The following RANBP2 variants were observed in gnomAD, a reference collection of about 807,000 sequenced individuals.
The protein encoded by RANBP2 is RAN binding protein 2, also known as E3 SUMO-protein ligase RanBP2.
Under a neutral mutation model 303.6 loss-of-function variants are expected in RANBP2, and 57 were observed. That is an observed-to-expected ratio of 0.19 (90% CI 0.15 to 0.23). The LOEUF (loss-of-function observed/expected upper bound fraction) is 0.23, where lower values mean the gene tolerates loss of function less well. Ranked by LOEUF, RANBP2 falls within the 10% of genes least tolerant of loss-of-function variation. The pLI is 1.00. For missense variants in RANBP2, 3,138 were observed against 3,780.8 expected (o/e 0.83, Z 4.46); for synonymous variants, 1,167 against 1,301.5 (o/e 0.90, Z 2.23).
At chr2:108,786,782 GA>G, downstream of RANBP2, 1 of 1,539,764 alleles carries the variant, frequency 6.5e-7, no homozygotes, top group African/African-American at 1.4e-5. Context: ...CGGGTTTGAT[GA>G]ACGCGGTTCC....
chr2:109,658,919 G>A, the RANBP2 span, among the ~76,000 whole-genome samples: 1 of 152,240 alleles, frequency 6.6e-6, no homozygotes, highest in South Asian at 2.1e-4. Flanking sequence ...ACAAAAACTA[G>A]CTGGGTGTGG....
At chr2:108,859,889 A>G in the RANBP2 span, among the ~76,000 whole-genome samples, 1 of 151,856 alleles carries the variant, frequency 6.6e-6, no homozygotes, top group Non-Finnish European at 1.5e-5. Context: ...AGATTGCTTT[A>G]GGCAATATAA....
At chr2:109,117,559 A>T in the RANBP2 span, among the ~76,000 whole-genome samples, 19 of 152,208 alleles carry the variant, frequency 1.2e-4, no homozygotes, top group Middle Eastern at 3.2e-3. Flanking sequence ...TGACTAGGAA[A>T]GGGAACTCCT....
chr2:108,742,843 C>G (rs1314690731), intron 7 of RANBP2, among the ~76,000 whole-genome samples: 2 of 152,178 alleles, frequency 1.3e-5, no homozygotes, highest in Admixed American at 1.3e-4. Context: ...GGCTGGAGCA[C>G]AGTGGCACGA....
the RANBP2 span, among the ~76,000 whole-genome samples, chr2:109,481,164 A>G: frequency 6.6e-6 from 1 of 152,214 alleles, no homozygotes; most frequent in Non-Finnish European, 1.5e-5. Flanking sequence ...TGAGAGGGGA[A>G]CATCTCAATG....
chr2:109,459,573 C>T, the RANBP2 span, among the ~76,000 whole-genome samples: 1 of 152,180 alleles, frequency 6.6e-6, no homozygotes, highest in Non-Finnish European at 1.5e-5. Context: ...CAGACATGCT[C>T]TTGCCCATGT....
At chr2:109,182,094 A>T in the RANBP2 span, among the ~76,000 whole-genome samples, 1 of 152,180 alleles carries the variant, frequency 6.6e-6, no homozygotes, top group Admixed American at 6.5e-5. Context: ...TAATTGCTTC[A>T]CCTGTTGAAG....
At chr2:109,196,402 C>T in the RANBP2 span, among the ~76,000 whole-genome samples, 7 of 152,182 alleles carry the variant, frequency 4.6e-5, no homozygotes, top group Middle Eastern at 3.2e-3. Flanking sequence ...AATCCCGTGG[C>T]GGGCAGCCTC....
chr2:109,717,272 C>CAAAAAAAAAAAAAAAAAAAAAAACAA, the RANBP2 span, among the ~76,000 whole-genome samples: 2 of 124,786 alleles, frequency 1.6e-5, 1 homozygote, highest in Non-Finnish European at 3.2e-5. Context: ...AAAAACAAAC[C>CAAAAAAAAAAAAAAAAAAAAAAACAA]AAAAAAAAAA....
At chr2:109,569,577 T>C in the RANBP2 span, among the ~76,000 whole-genome samples, 1 of 152,180 alleles carries the variant, frequency 6.6e-6, no homozygotes, top group African/African-American at 2.4e-5. Flanking sequence ...TTTTTCTGTC[T>C]ATGAAATTGA....
the RANBP2 span, among the ~76,000 whole-genome samples, chr2:108,856,583 T>A: frequency 1.3e-5 from 2 of 152,174 alleles, no homozygotes; most frequent in African/African-American, 2.4e-5. Flanking sequence ...AAATTCTAAA[T>A]GAAATTTACC....
the RANBP2 span, among the ~76,000 whole-genome samples, chr2:109,086,589 T>G: frequency 6.6e-6 from 1 of 152,074 alleles, no homozygotes; most frequent in African/African-American, 2.4e-5. Flanking sequence ...GCCCATCGAG[T>G]GAGTCTTCTG....
the RANBP2 span, among the ~76,000 whole-genome samples, chr2:109,043,365 C>T: frequency 6.6e-5 from 10 of 150,768 alleles, no homozygotes; most frequent in East Asian, 3.9e-4. Context: ...TTTTTTGAGA[C>T]GGAGTCTTCT....
chr2:109,610,439 G>A, the RANBP2 span, among the ~76,000 whole-genome samples: 3 of 152,178 alleles, frequency 2.0e-5, no homozygotes, highest in African/African-American at 4.8e-5. Context: ...TCTGGGCCGG[G>A]CATGGTGGCT....
chr2:108,817,670 A>G, the RANBP2 span, among the ~76,000 whole-genome samples: 1 of 152,222 alleles, frequency 6.6e-6, no homozygotes, highest in Non-Finnish European at 1.5e-5. Context: ...CTCTAACTGC[A>G]GCAAACTGGA....
At chr2:109,156,512 C>G in the RANBP2 span, among the ~76,000 whole-genome samples, 1 of 151,568 alleles carries the variant, frequency 6.6e-6, no homozygotes, top group African/African-American at 2.4e-5. Context: ...GTGGTGCAAT[C>G]TTGGCTCACT....
At chr2:109,682,741 A>T in the RANBP2 span, among the ~76,000 whole-genome samples, 1 of 152,122 alleles carries the variant, frequency 6.6e-6, no homozygotes, top group Non-Finnish European at 1.5e-5. Context: ...GGATTTCCAG[A>T]CCAACCCGGG....
At chr2:109,697,551 A>G in the RANBP2 span, among the ~76,000 whole-genome samples, 1 of 151,416 alleles carries the variant, frequency 6.6e-6, no homozygotes, top group African/African-American at 2.4e-5. Flanking sequence ...CTGCTAGTAT[A>G]TAGAACTACA....
chr2:108,756,574 T>C (rs894407084), intron 17 of RANBP2, among the ~76,000 whole-genome samples: 3 of 152,212 alleles, frequency 2.0e-5, no homozygotes, highest in African/African-American at 7.2e-5. Flanking sequence ...ATTTTGAATG[T>C]TAATTCTGTG....
Sources: gnomAD v4.1 joint callset for allele counts (sites outside exome capture counted in the v4.1 genomes callset) on GRCh38, gnomAD v4.1.1 for gene constraint, MANE v1.5 for transcripts, NCBI Gene and HGNC (gene_info 2026-07-23, HGNC 2026-07-21) for gene names.